ARL15: variants seen among roughly 807,000 people sequenced by gnomAD.
ARL15 encodes the protein ADP-ribosylation factor-like protein 15.
A neutral mutation model predicts 25.2 loss-of-function variants in ARL15; 19 were observed. The observed-to-expected ratio is 0.75, with a 90% CI of 0.53 to 1.10. ARL15 has a LOEUF of 1.10. Ranked by LOEUF, ARL15 falls within the 50% of genes least tolerant of loss-of-function variation. The pLI is 0.00. For missense variants in ARL15, 220 were observed against 246.0 expected (o/e 0.89, Z 0.71); for synonymous variants, 94 against 86.8 (o/e 1.08, Z -0.46).
At chr5:53,908,904 T>TTGTCAACACAATAACTTTTAATGTCA (rs1745363826) in intron 4 of ARL15, among the ~76,000 whole-genome samples, 1 of 152,196 alleles carries the variant, frequency 6.6e-6, no homozygotes, top group Admixed American at 6.5e-5. Flanking sequence ...AATGAGCATA[T>TTGTCAACACAATAACTTTTAATGTCA]ACACAAAAGT....
intron 1 of ARL15, among the ~76,000 whole-genome samples, chr5:54,258,006 G>A (rs1033332244): frequency 6.6e-6 from 1 of 151,988 alleles, no homozygotes. Flanking sequence ...AGAATCACAC[G>A]GGCTGCTGAG....
At chr5:54,309,286 G>C (rs1758836855) in intron 1 of ARL15, among the ~76,000 whole-genome samples, 3 of 152,208 alleles carry the variant, frequency 2.0e-5, no homozygotes. Context: ...AGACCATCAA[G>C]CTCTGAAGCA....
At chr5:54,138,178 T>C (rs1170697664) in intron 3 of ARL15, among the ~76,000 whole-genome samples, 1 of 152,076 alleles carries the variant, frequency 6.6e-6, no homozygotes, top group Non-Finnish European at 1.5e-5. Context: ...CCACCACACA[T>C]CTTAAAATAG....
intron 4 of ARL15, among the ~76,000 whole-genome samples, chr5:54,109,995 A>G (rs962786016): frequency 6.6e-6 from 1 of 151,950 alleles, no homozygotes; most frequent in African/African-American, 2.4e-5. Context: ...AAGACATAAA[A>G]TCTTAAAATT....
At chr5:54,021,327 C>A (rs574315387) in intron 4 of ARL15, among the ~76,000 whole-genome samples, 15 of 152,182 alleles carry the variant, frequency 9.9e-5, no homozygotes, top group African/African-American at 3.4e-4. Context: ...AAGAGTGAAA[C>A]TCCATTTCAA....
intron 1 of ARL15, among the ~76,000 whole-genome samples, chr5:54,208,017 A>G (rs1051978535): frequency 2.3e-4 from 35 of 152,166 alleles, no homozygotes; most frequent in African/African-American, 8.4e-4. Context: ...GAATATTGAG[A>G]GCCCAAGGCC....
At chr5:53,891,185 T>C (rs1480398042) in intron 4 of ARL15, among the ~76,000 whole-genome samples, 4 of 152,208 alleles carry the variant, frequency 2.6e-5, no homozygotes, top group South Asian at 2.1e-4. Context: ...ATTAAACCAG[T>C]AGTGTGTGCC....
At chr5:54,017,673 G>C (rs1223786555) in intron 4 of ARL15, among the ~76,000 whole-genome samples, 1 of 151,654 alleles carries the variant, frequency 6.6e-6, no homozygotes, top group African/African-American at 2.4e-5. Flanking sequence ...CAAAGGGAAG[G>C]CTAGAAAAAT....
intron 4 of ARL15, among the ~76,000 whole-genome samples, chr5:54,033,861 T>G (rs1750083305): frequency 6.6e-6 from 1 of 152,158 alleles, no homozygotes; most frequent in Non-Finnish European, 1.5e-5. Context: ...TCGCCCAGGC[T>G]GGAGTGCAGT....
Position 54,117,322 on chromosome 5 carries a change from T to C in ARL15, c.254-3912A>G, listed in dbSNP as rs954241072. Among the ~76,000 whole-genome samples the C allele has an allele frequency of 6.6e-5, 10 of 150,458 alleles. No individual in the cohort carries two copies. The Admixed American group carries it at 6.7e-4, about 10-fold the overall frequency. ...CTTTCAATGAGAAACTATGTTTTCA[T>C]TGGCCACATTTAGGAGTACATATGG... On this transcript the variant is annotated intron_variant, in intron 3 of 4. Transcript: ENST00000504924.
intron 3 of ARL15, among the ~76,000 whole-genome samples, chr5:54,118,567 G>A (rs1465678479): frequency 8.5e-5 from 13 of 152,150 alleles, no homozygotes; most frequent in Non-Finnish European, 1.6e-4. Context: ...AAGATCTACT[G>A]AAATTTAGGC....
chr5:54,088,362 G>A (rs412354), intron 4 of ARL15, among the ~76,000 whole-genome samples: 1,533 of 152,230 alleles, frequency 0.01, 25 homozygotes, highest in African/African-American at 0.035. Context: ...TGAAGTAAAC[G>A]AGTAAAAGAA....
chr5:54,035,166 T>G (rs2111915790), intron 4 of ARL15, among the ~76,000 whole-genome samples: 1 of 152,308 alleles, frequency 6.6e-6, no homozygotes, highest in East Asian at 1.9e-4. Context: ...ACATACTGAA[T>G]CATATTCCTC....
At chr5:54,225,184 C>T (rs1344750211) in intron 1 of ARL15, among the ~76,000 whole-genome samples, 1 of 152,156 alleles carries the variant, frequency 6.6e-6, no homozygotes, top group African/African-American at 2.4e-5. Context: ...ATTTTTCATC[C>T]TTCTGCCAAG....
rs1002616423 is a variant in ARL15, at chr5:54,119,933, T to G, written c.254-6523A>C. On this transcript the variant is annotated intron_variant, in intron 3 of 4. Transcript: ENST00000504924. ...GGTCTGTTTCTCTTGGTTCTCCATG[T>G]AACACTTTCTACCCTGTAGCATAGT... Among the ~76,000 whole-genome samples the G allele has an allele frequency of 2.0e-4, 30 of 152,198 alleles. 1 individual carries two copies. The highest frequency in any genetic ancestry group is 1.7e-3 in the Admixed American group (26 of 15,280).
intron 4 of ARL15, among the ~76,000 whole-genome samples, chr5:54,081,214 G>A (rs561389474): frequency 1.3e-5 from 2 of 152,234 alleles, no homozygotes; most frequent in East Asian, 1.9e-4. Context: ...AAGGATTTTT[G>A]TGTCAAGTTA....
intron 1 of ARL15, among the ~76,000 whole-genome samples, chr5:54,201,451 C>A (rs1223095126): frequency 6.6e-6 from 1 of 152,084 alleles, no homozygotes; most frequent in African/African-American, 2.4e-5. Flanking sequence ...CCCATTTTAG[C>A]AAAGAGCCTG....
At chr5:54,016,089 T>C (rs1398533444) in intron 4 of ARL15, among the ~76,000 whole-genome samples, 1 of 152,140 alleles carries the variant, frequency 6.6e-6, no homozygotes, top group Non-Finnish European at 1.5e-5. Flanking sequence ...TTGTCTCATG[T>C]TTTGTGGAAC....
intron 3 of ARL15, among the ~76,000 whole-genome samples, chr5:54,125,223 G>A (rs906739024): frequency 1.1e-4 from 16 of 151,788 alleles, no homozygotes; most frequent in African/African-American, 3.6e-4. Flanking sequence ...TAGTAGAGAC[G>A]GGGTTTCGCC....
Sources: allele counts gnomAD v4.1 joint callset (sites outside exome capture counted in the v4.1 genomes callset), GRCh38; gene constraint gnomAD v4.1.1; transcripts MANE v1.5; gene names NCBI Gene and HGNC (gene_info 2026-07-23, HGNC 2026-07-21).